The following C7orf57 variants were observed in gnomAD, a reference collection of about 807,000 sequenced individuals.
C7orf57 encodes uncharacterized protein C7orf57.
Under a neutral mutation model 39.0 loss-of-function variants are expected in C7orf57, and 33 were observed. The ratio of observed to expected loss-of-function variants is 0.85; its 90% CI spans 0.64 to 1.13. The LOEUF (loss-of-function observed/expected upper bound fraction) is 1.13, where lower values mean the gene tolerates loss of function less well. Among genes scored for constraint, C7orf57 ranks in the 50% most tolerant of loss-of-function variants. The pLI, the probability that C7orf57 is intolerant of heterozygous loss-of-function variation, is 0.00. For missense variants in C7orf57, 346 were observed against 362.3 expected, an observed-to-expected ratio of 0.95 and a Z score of 0.37; for synonymous variants, 124 against 137.1, an observed-to-expected ratio of 0.90 and a Z score of 0.67.
chr7:48,056,765 C>T (rs1448755647), intron 8 of C7orf57, among the ~76,000 whole-genome samples: 1 of 152,042 alleles, frequency 6.6e-6, no homozygotes, highest in East Asian at 1.9e-4. Context: ...AGTTTCTGGT[C>T]TTTTGTTTAA....
chr7:48,043,892 G>A (rs1157444825), intron 4 of C7orf57, among the ~76,000 whole-genome samples: 1 of 151,790 alleles, frequency 6.6e-6, no homozygotes, highest in Non-Finnish European at 1.5e-5. Context: ...AGATGGTGGC[G>A]GGCTGCTTCC....
chr7:48,038,988 G>T (rs529212702), intron 2 of C7orf57, among the ~76,000 whole-genome samples: 3 of 152,284 alleles, frequency 2.0e-5, no homozygotes, highest in Non-Finnish European at 4.4e-5. Context: ...AAGATAAGGG[G>T]TTGTGGAGAC....
At chr7:48,049,024 AC>A (rs776660324) in intron 5 of C7orf57, among the ~76,000 whole-genome samples, 3 of 151,864 alleles carry the variant, frequency 2.0e-5, no homozygotes, top group East Asian at 3.9e-4. Flanking sequence ...GCCCGAGTTA[AC>A]CCCCCTCCGG....
intron 8 of C7orf57, among the ~76,000 whole-genome samples, chr7:48,056,910 T>C (rs1791131799): frequency 6.6e-6 from 1 of 152,164 alleles, no homozygotes; most frequent in South Asian, 2.1e-4. Flanking sequence ...TGTGTGTTCT[T>C]GGCACCTTTG....
intron 2 of C7orf57, among the ~76,000 whole-genome samples, chr7:48,038,955 C>A (rs1393977515): frequency 1.3e-5 from 2 of 152,160 alleles, no homozygotes; most frequent in Admixed American, 6.5e-5. Flanking sequence ...GACACGGAAT[C>A]GATAGAAAGG....
rs369752964 is a variant in C7orf57, at chr7:48,046,560, G to A, written c.451G>A (p.Asp151Asn). ...ATCCAGAAGAGGGCCCTTCGACTTC[G>A]ACATGAAAACAGTTTGGCAAAGAGA... ...YASRRGPFDF[D>N]MKTVWQREAE... The change falls in exon 5 of 9, where the codon GAC becomes AAC. Residue 151 changes from aspartate (D) to asparagine (N), a missense_variant. Asp to Asn is a conservative substitution (Grantham distance 23). Transcript: ENST00000348904. 70 of 1,613,708 alleles carry A rather than the reference G, an allele frequency of 4.3e-5. No individual in the cohort carries two copies. Among genetic ancestry groups the A allele is most frequent in the Non-Finnish European group, 5.7e-5 (67 of 1,179,796 alleles).
intron 8 of C7orf57, 71 bp downstream of exon 8, chr7:48,054,677 C>G: frequency 2.9e-6 from 4 of 1,361,944 alleles, no homozygotes; most frequent in Non-Finnish European, 4.1e-6. Context: ...GGACATAGTC[C>G]TGCATTCTGA....
chr7:48,049,572 CAT>C (rs1418146715), intron 5 of C7orf57, among the ~76,000 whole-genome samples: 3 of 152,094 alleles, frequency 2.0e-5, no homozygotes, highest in African/African-American at 7.2e-5. Flanking sequence ...CTTTTGTGAA[CAT>C]ATGTTTTCAT....
In C7orf57 at chr7:48,051,867, C is replaced by CT. The variant is rs1554299790; in HGVS notation, c.606-830dup. Among the ~76,000 whole-genome samples the CT allele has an allele frequency of 1.2e-4, 8 of 64,374 alleles. 2 individuals carry two copies. The highest frequency in any genetic ancestry group is 6.4e-4 in the African/African-American group (8 of 12,572). 42.2% of individuals were successfully genotyped at this position (64,374 alleles called of 152,430 possible). A position where few individuals can be genotyped will look rare whatever the true frequency, so the allele number is the denominator to read the frequency against. On this transcript the variant is annotated intron_variant, in intron 6 of 8. Transcript: ENST00000348904. ...TCTTTCTTTCTTTCTTTCTTTCTTTCTTTCTCTTTCTCTTTCTTTCTTTCC... is the reference window on the plus strand; with the variant it reads ...TCTTTCTTTCTTTCTTTCTTTCTTTCTTTTCTCTTTCTCTTTCTTTCTTTCC...
chr7:48,046,205 G>A (rs2708851), intron 4 of C7orf57, among the ~76,000 whole-genome samples: 66,631 of 150,760 alleles, frequency 0.44, 15,403 homozygotes, highest in Non-Finnish European at 0.51. Flanking sequence ...CAAGAGAGAC[G>A]GAAGAGAAGA....
Position 48,041,445 on chromosome 7 carries a change from C to T in C7orf57, c.167C>T (p.Pro56Leu). 1 of 1,613,968 alleles carries T rather than the reference C, an allele frequency of 6.2e-7. No homozygotes were observed. The highest frequency in any genetic ancestry group is 1.1e-5 in the South Asian group (1 of 91,054). ...GGAGACTCACACAGCGAGAACCTGC[C>T]TGGGACTCGGAGATACTGGATAAAA... ...NLGDSHSENLPGTRRYWIKET... is the reference protein window; with the variant it reads ...NLGDSHSENLLGTRRYWIKET... Residue 56 changes from proline (P) to leucine (L), a missense_variant, in exon 3 of 9, where the codon CCT becomes CTT. By Grantham distance (98) the Pro-to-Leu change is moderately conservative (BLOSUM62 -3). Coordinates refer to ENST00000348904, the MANE Select transcript of C7orf57 (RefSeq NM_001100159.3).
At chr7:48,043,740 G>A (rs1790622903) in intron 4 of C7orf57, among the ~76,000 whole-genome samples, 151 bp downstream of exon 4, 1 of 152,130 alleles carries the variant, frequency 6.6e-6, no homozygotes, top group Non-Finnish European at 1.5e-5. Context: ...GCTCTTTGAG[G>A]GATGTAGCCT....
chr7:48,044,112 G>A (rs1255174520), intron 4 of C7orf57, among the ~76,000 whole-genome samples: 3 of 152,224 alleles, frequency 2.0e-5, no homozygotes, highest in Non-Finnish European at 4.4e-5. Context: ...TAGCTGCGCA[G>A]GAACAATGGC....
chr7:48,047,313 G>A (rs1462986019), intron 5 of C7orf57, among the ~76,000 whole-genome samples: 1 of 152,062 alleles, frequency 6.6e-6, no homozygotes, highest in Non-Finnish European at 1.5e-5. Flanking sequence ...GCAACTTCAG[G>A]GTTTGTGAGT....
rs2128791263 is a variant in C7orf57, at chr7:48,041,444, C to G, written c.166C>G (p.Pro56Ala). The change falls in exon 3 of 9, where the codon CCT becomes GCT. Residue 56 changes from proline (P) to alanine (A), a missense_variant. Pro to Ala is a conservative substitution (Grantham distance 27). Transcript: ENST00000348904. ...NLGDSHSENLPGTRRYWIKET... is the reference protein window; with the variant it reads ...NLGDSHSENLAGTRRYWIKET... The stretch of plus-strand genomic sequence containing the variant: ...GGGAGACTCACACAGCGAGAACCTG[C>G]CTGGGACTCGGAGATACTGGATAAA... 1 of 1,613,924 alleles carries G rather than the reference C, an allele frequency of 6.2e-7. No homozygotes were observed. The highest frequency in any genetic ancestry group is 8.5e-7 in the Non-Finnish European group (1 of 1,179,858).
At position 48,060,329 on chromosome 7, in the gene C7orf57, G is replaced by A. The variant is rs1237244058; in HGVS notation, c.*57G>A. 21 of 1,068,270 alleles carry A rather than the reference G, an allele frequency of 2.0e-5. No homozygotes were observed. Among genetic ancestry groups the A allele is most frequent in the Non-Finnish European group, 2.7e-5 (20 of 740,502 alleles). 66.2% of individuals were successfully genotyped at this position (1,068,270 alleles called of 1,614,324 possible). On this transcript the variant is annotated 3_prime_UTR_variant, in exon 9 of 9. Transcript: ENST00000348904. ...TTAAATGGCTAAATATGACATGACT[G>A]TATTATAGCTATATTTCTGAGGCTT...
intron 8 of C7orf57, among the ~76,000 whole-genome samples, chr7:48,059,453 T>G (rs1791226267): frequency 6.6e-6 from 1 of 152,180 alleles, no homozygotes; most frequent in Non-Finnish European, 1.5e-5. Flanking sequence ...TGGGCTCAAG[T>G]GATCCTTCTG....
chr7:48,035,862 C>G lies in C7orf57; in HGVS notation c.-102+232C>G, dbSNP rs937528765. Among the ~76,000 whole-genome samples the G allele has an allele frequency of 6.6e-6, 1 of 152,164 alleles. No homozygotes were observed. The highest frequency in any genetic ancestry group is 2.4e-5 in the African/African-American group (1 of 41,442). On this transcript the variant is annotated intron_variant, in intron 1 of 8. Coordinates refer to ENST00000348904, the MANE Select transcript of C7orf57 (RefSeq NM_001100159.3). The surrounding 1 kb of genome is among the most constrained non-coding windows in gnomAD (Gnocchi z 4.0). ...GTACTTGCTGTGTCCCTGGCGTGGA[C>G]GTGCCTGTACTGGATACCCGGCGTG...
chr7:48,053,048 G>A (rs1185258444), intron 7 of C7orf57, 125 bp downstream of exon 7: 8 of 760,452 alleles, frequency 1.1e-5, no homozygotes, highest in South Asian at 4.4e-5. Context: ...ATGTGAAAAC[G>A]CCCACAGAAG....
Sources: allele counts gnomAD v4.1 joint callset (sites outside exome capture counted in the v4.1 genomes callset), GRCh38; gene constraint gnomAD v4.1.1; non-coding constraint Gnocchi (gnomAD v3.1); transcripts MANE v1.5; gene names NCBI Gene and HGNC (gene_info 2026-07-23, HGNC 2026-07-21).